SH3GLB2: variants seen among roughly 807,000 people sequenced by gnomAD.
The protein encoded by SH3GLB2 is SH3 domain containing GRB2 like, endophilin B2.
A neutral mutation model predicts 48.0 loss-of-function variants in SH3GLB2; 24 were observed. The ratio of observed to expected loss-of-function variants is 0.50; its 90% CI spans 0.36 to 0.70. The LOEUF (loss-of-function observed/expected upper bound fraction) is 0.70. Among genes scored for constraint, SH3GLB2 ranks in the 30% least tolerant of loss-of-function variants. The pLI, the probability that SH3GLB2 is intolerant of heterozygous loss-of-function variation, is 0.00. For missense variants in SH3GLB2, 425 were observed against 516.0 expected (o/e 0.82, Z 1.71); for synonymous variants, 227 against 207.6 (o/e 1.09, Z -0.80).
chr9:129,027,994 C>G, intron 1 of SH3GLB2, 98 bp downstream of exon 1: 6 of 1,185,590 alleles, frequency 5.1e-6, no homozygotes, highest in Non-Finnish European at 6.8e-6. Flanking sequence ...GGCAGCAGCC[C>G]GGGAGGGCTT....
chr9:129,025,990 T>TC (rs1400822663), intron 1 of SH3GLB2, among the ~76,000 whole-genome samples: 3 of 152,154 alleles, frequency 2.0e-5, no homozygotes, highest in Non-Finnish European at 4.4e-5. Context: ...TCCTGCCCTC[T>TC]CCCACCCCCA....
intron 9 of SH3GLB2, 72 bp downstream of exon 9, chr9:129,009,689 TGCCCAGAGGA>T: frequency 1.4e-6 from 2 of 1,432,782 alleles, no homozygotes. Flanking sequence ...TCACAGGACT[TGCCCAGAGGA>T]GCTCATGCTG....
chr9:129,009,590 G>T (rs918867050), intron 9 of SH3GLB2, 181 bp downstream of exon 9: 1 of 1,505,346 alleles, frequency 6.6e-7, no homozygotes, highest in Non-Finnish European at 9.0e-7. Flanking sequence ...GGACTTGGCC[G>T]TCAGTAAGGC....
intron 3 of SH3GLB2, among the ~76,000 whole-genome samples, chr9:129,020,053 A>G (rs574035084): frequency 2.0e-5 from 3 of 151,622 alleles, no homozygotes; most frequent in Non-Finnish European, 4.4e-5. Context: ...AAAATACAAA[A>G]AAGTTAGCCA....
chr9:129,014,121 G>A lies in SH3GLB2; in HGVS notation c.561+290C>T. The A allele has an allele frequency of 1.6e-6, 1 of 623,956 alleles. No homozygotes were observed. Among genetic ancestry groups the A allele is most frequent in the South Asian group, 1.6e-5 (1 of 64,312 alleles). 38.7% of individuals were successfully genotyped at this position (623,956 alleles called of 1,614,324 possible). A position where few individuals can be genotyped will look rare whatever the true frequency, so the allele number is the denominator to read the frequency against. On this transcript the variant is annotated intron_variant, in intron 5 of 10. Coordinates refer to ENST00000372564, the MANE Select transcript of SH3GLB2 (RefSeq NM_020145.4). The surrounding 1 kb of genome is among the most constrained non-coding windows in gnomAD (Gnocchi z 4.1). ...CAGAGCCGAGCATCTAGGAGGGCAG[G>A]GCAGGGCATGCAGGAGACTCCAGCT...
Position 129,021,135 on chromosome 9 carries a change from T to C in SH3GLB2, c.290A>G (p.Tyr97Cys), listed in dbSNP as rs1399891598. The change falls in exon 3 of 11, where the codon TAC becomes TGC. Residue 97 changes from tyrosine (Y) to cysteine (C), a missense_variant. Tyr to Cys is a radical substitution (Grantham distance 194). Transcript: ENST00000372564. ...RVTNGELLAQ[Y>C]MADAASELGP... The stretch of plus-strand genomic sequence containing the variant: ...CAGCTCACTGGCCGCGTCTGCCATG[T>C]ACTGAGCCAGCAGCTCCCCGTTGGT... The C allele has an allele frequency of 6.2e-7, 1 of 1,612,688 alleles. No homozygotes were observed. Among genetic ancestry groups the C allele is most frequent in the East Asian group, 2.2e-5 (1 of 44,836 alleles).
chr9:129,026,702 C>T (rs927797948), intron 1 of SH3GLB2, among the ~76,000 whole-genome samples: 6 of 152,216 alleles, frequency 3.9e-5, no homozygotes, highest in African/African-American at 1.2e-4. Context: ...CCAGCCCTAG[C>T]AGGGAACTGG....
rs1842838971 is a variant in SH3GLB2, at chr9:129,007,489, A to G, written c.*1195T>C. ...TGGCTGTTGGCCTTCTCAGGACTGA[A>G]GTCAGAATGCTAGGTCCTGCTAGGG... On this transcript the variant is annotated 3_prime_UTR_variant, in exon 11 of 11. Transcript: ENST00000372564. 6.6e-6 allele frequency: 1 copy of G among 152,134 alleles called. No homozygotes were observed. Among genetic ancestry groups the G allele is most frequent in the African/African-American group, 2.4e-5 (1 of 41,422 alleles). The allele number at this position is 152,134 out of a possible 1,614,324, so 9.4% of individuals were successfully genotyped here. A position where few individuals can be genotyped will look rare whatever the true frequency, so the allele number is the denominator to read the frequency against.
intron 1 of SH3GLB2, 21 bp downstream of exon 1, chr9:129,028,071 C>A (rs763736506): frequency 5.3e-6 from 8 of 1,497,820 alleles, no homozygotes; most frequent in South Asian, 5.0e-5. Context: ...CCCCGGCGCA[C>A]GGCGCGACGC....
At chr9:129,017,989 A>G (rs1159485962) in intron 3 of SH3GLB2, among the ~76,000 whole-genome samples, 1 of 151,008 alleles carries the variant, frequency 6.6e-6, no homozygotes, top group East Asian at 1.9e-4. Context: ...GAAGGCTGAG[A>G]GGCTGAGGTG....
rs17455482 is a variant in SH3GLB2, at chr9:129,009,272, G to T, written c.914C>A (p.Ala305Glu). The change falls in exon 10 of 11, where the codon GCG (alanine) becomes GAG (glutamate). Residue 305 changes from alanine to glutamate, a missense_variant. Coordinates refer to ENST00000372564, the MANE Select transcript of SH3GLB2 (RefSeq NM_020145.4). ...PLSSTSPTTA[A>E]ATMPVVPSVA... is the part of the protein sequence containing the mutation. ...AGAGGGCACCACAGGCATAGTGGCC[G>T]CAGCAGTGGTGGGTGAGGTGCTGCT... 1.9e-6 allele frequency: 3 copies of T among 1,571,456 alleles called. No homozygotes were observed. The East Asian group carries it at 6.9e-5, about 36-fold the overall frequency.
intron 8 of SH3GLB2, 65 bp downstream of exon 8, chr9:129,010,055 G>C (rs762648967): frequency 2.4e-4 from 361 of 1,526,770 alleles, no homozygotes; most frequent in Non-Finnish European, 3.1e-4. Flanking sequence ...TGCTGACCTT[G>C]TGGTTCAGGC....
chr9:129,008,285 A>G lies in SH3GLB2; in HGVS notation c.*399T>C, dbSNP rs1226073538. ...GCCAGAGCCCTGTGTGCCTTGCCGC[A>G]TTCCCCTGATGCAGCTTTTGGCAAC... On this transcript the variant is annotated 3_prime_UTR_variant, in exon 11 of 11. Coordinates refer to ENST00000372564, the MANE Select transcript of SH3GLB2 (RefSeq NM_020145.4). 4.5e-6 allele frequency: 1 copy of G among 222,608 alleles called. No homozygotes were observed. The highest frequency in any genetic ancestry group is 1.2e-4 in the East Asian group (1 of 8,118). The allele number at this position is 222,608 out of a possible 1,614,324, so 13.8% of individuals were successfully genotyped here.
chr9:129,010,228 C>T lies in SH3GLB2; in HGVS notation c.649-19G>A, dbSNP rs1843037052. On this transcript the variant is annotated intron_variant, in intron 7 of 10. Coordinates refer to ENST00000372564, the MANE Select transcript of SH3GLB2 (RefSeq NM_020145.4). ...GCTCGGCCTGGGCAGGGCAGGGCAG[C>T]CATGAGCACCCACACACCACCCACC... 1 of 1,608,054 alleles carries T rather than the reference C, an allele frequency of 6.2e-7. No homozygotes were observed. The highest frequency in any genetic ancestry group is 8.5e-7 in the Non-Finnish European group (1 of 1,175,180).
chr9:129,028,067 C>G, intron 1 of SH3GLB2, 25 bp downstream of exon 1: 2 of 1,497,388 alleles, frequency 1.3e-6, no homozygotes, highest in Non-Finnish European at 1.8e-6. Flanking sequence ...GGGCCCCCGG[C>G]GCACGGCGCG....
intron 5 of SH3GLB2, chr9:129,013,902 G>A (rs373808919): frequency 1.0e-5 from 4 of 383,072 alleles, no homozygotes; most frequent in South Asian, 7.5e-5. Flanking sequence ...GGGAGTGAAG[G>A]GGGCGCCAGA....
At position 129,019,872 on chromosome 9, in the gene SH3GLB2, T is replaced by C. The variant is rs1032342048; in HGVS notation, c.334+1219A>G. Reference sequence around the variant, plus strand: ...AGATGGATATGGTTCTATAAATGCTTCAGTGAAAAGATACCTGTAATATGA... The same window carrying C: ...AGATGGATATGGTTCTATAAATGCTCCAGTGAAAAGATACCTGTAATATGA... On this transcript the variant is annotated intron_variant, in intron 3 of 10. Transcript: ENST00000372564. Among the ~76,000 whole-genome samples the C allele has an allele frequency of 4.6e-5, 7 of 151,598 alleles. No individual in the cohort carries two copies. In the East Asian group the frequency reaches 1.3e-3, roughly 29 times the overall value.
intron 10 of SH3GLB2, 136 bp downstream of exon 10, chr9:129,008,970 G>A: frequency 1.4e-6 from 2 of 1,431,072 alleles, no homozygotes; most frequent in East Asian, 2.3e-5. Flanking sequence ...TTTCCTCAGA[G>A]CTGGATATGC....
Position 129,012,540 on chromosome 9 carries a change from G to A in SH3GLB2, c.562-242C>T, listed in dbSNP as rs192518933. 27 of 421,784 alleles carry A rather than the reference G, an allele frequency of 6.4e-5. No homozygotes were observed. In the East Asian group the frequency reaches 8.7e-4, roughly 14 times the overall value. 26.1% of individuals were successfully genotyped at this position (421,784 alleles called of 1,614,324 possible). ...GCTGCAGGCACTGGAGCTCAGGAGA[G>A]CAAATGCGGTGAGGAGATGGCCGAG... is the stretch of plus-strand genomic sequence containing the variant. On this transcript the variant is annotated intron_variant, in intron 5 of 10. Coordinates refer to ENST00000372564, the MANE Select transcript of SH3GLB2 (RefSeq NM_020145.4).
Sources: gnomAD v4.1 joint callset for allele counts (sites outside exome capture counted in the v4.1 genomes callset) on GRCh38, gnomAD v4.1.1 for gene constraint, Gnocchi (gnomAD v3.1) non-coding constraint, MANE v1.5 for transcripts, NCBI Gene and HGNC (gene_info 2026-07-23, HGNC 2026-07-21) for gene names.